Variants in AFF3 observed in about 807,000 individuals in gnomAD.
The protein encoded by AFF3 is ALF transcription elongation factor 3.
AFF3 carries 32 observed loss-of-function variants against 129.7 expected under a neutral mutation model. The observed-to-expected ratio is 0.25, with a 90% CI of 0.19 to 0.33. AFF3 has a LOEUF of 0.33. AFF3 is among the 10% of genes least tolerant of loss of function. The pLI, the probability that AFF3 is intolerant of heterozygous loss-of-function variation, is 1.00. For synonymous variants in AFF3, 644 were observed against 635.4 expected, an observed-to-expected ratio of 1.01 and a Z score of -0.20; for missense variants, 1,373 against 1,592.0, an observed-to-expected ratio of 0.86 and a Z score of 2.34.
chr2:99,809,551 T>G (rs1236118669), intron 8 of AFF3, among the ~76,000 whole-genome samples: 1 of 152,238 alleles, frequency 6.6e-6, no homozygotes, highest in Non-Finnish European at 1.5e-5. Flanking sequence ...AATTTAACAC[T>G]AAGCCTGTCT....
intron 10 of AFF3, among the ~76,000 whole-genome samples, chr2:99,742,811 T>C (rs1680827904): frequency 6.6e-6 from 1 of 152,264 alleles, no homozygotes; most frequent in Non-Finnish European, 1.5e-5. Context: ...TGAAATACTG[T>C]AAGTCAGGAC....
chr2:99,596,137 G>A (rs962480246), intron 14 of AFF3, among the ~76,000 whole-genome samples: 5 of 152,304 alleles, frequency 3.3e-5, no homozygotes, highest in South Asian at 2.1e-4. Flanking sequence ...CAACGGAACC[G>A]GGGCACCAGA....
At position 99,909,483 on chromosome 2, in the gene AFF3, A is replaced by G. The variant is rs959393808; in HGVS notation, c.874-71959T>C. Among the ~76,000 whole-genome samples the G allele has an allele frequency of 5.3e-5, 8 of 151,892 alleles. 1 individual carries two copies. The highest frequency in any genetic ancestry group is 1.7e-4 in the African/African-American group (7 of 41,386). On this transcript the variant is annotated intron_variant, in intron 7 of 24. Coordinates refer to ENST00000672756, the MANE Select transcript of AFF3 (RefSeq NM_001386135.1). ...ACTGGGGGGAGAGGAGAGGGATAGC[A>G]TTAGGAGATATACCTAATGCTAAAT...
At chr2:100,089,243 A>T in intron 4 of AFF3, among the ~76,000 whole-genome samples, 1 of 149,784 alleles carries the variant, frequency 6.7e-6, no homozygotes, top group Non-Finnish European at 1.5e-5. Flanking sequence ...TGCCATTTAA[A>T]TTTTTTCAAA....
At chr2:99,615,273 T>G (rs1681307197) in intron 13 of AFF3, among the ~76,000 whole-genome samples, 1 of 152,202 alleles carries the variant, frequency 6.6e-6, no homozygotes, top group Non-Finnish European at 1.5e-5. Flanking sequence ...TGTAAAAGGC[T>G]TCTCTGAAAG....
chr2:99,827,163 G>A (rs1013554301), intron 8 of AFF3, among the ~76,000 whole-genome samples: 1 of 152,176 alleles, frequency 6.6e-6, no homozygotes, highest in African/African-American at 2.4e-5. Context: ...GGTGACAGAA[G>A]TTCAGGAAAC....
chr2:99,892,519 A>G (rs952973686), intron 7 of AFF3, among the ~76,000 whole-genome samples: 1 of 152,152 alleles, frequency 6.6e-6, no homozygotes, highest in South Asian at 2.1e-4. Flanking sequence ...TTAATATGGG[A>G]TGTGAGTCTA....
chr2:100,118,368 G>A (rs1691809297), intron 2 of AFF3, among the ~76,000 whole-genome samples: 1 of 152,140 alleles, frequency 6.6e-6, no homozygotes, highest in African/African-American at 2.4e-5. Flanking sequence ...TCCTTGTTAT[G>A]CTCCTAGAAG....
intron 7 of AFF3, among the ~76,000 whole-genome samples, chr2:99,968,821 A>G (rs151146444): frequency 3.3e-5 from 5 of 152,286 alleles, no homozygotes; most frequent in African/African-American, 9.6e-5. Flanking sequence ...CTTTCCCTTT[A>G]TAAGTTTCAC....
At chr2:99,998,351 G>T (rs1260138123) in intron 7 of AFF3, among the ~76,000 whole-genome samples, 1 of 152,076 alleles carries the variant, frequency 6.6e-6, no homozygotes, top group Non-Finnish European at 1.5e-5. Context: ...CCCTTCTGCT[G>T]GGGGGTTTCA....
intron 7 of AFF3, among the ~76,000 whole-genome samples, chr2:99,952,548 C>T (rs1457678037): frequency 1.3e-5 from 2 of 152,140 alleles, no homozygotes; most frequent in Admixed American, 6.5e-5. Flanking sequence ...TCCCATGACT[C>T]GCTTTTCTTC....
chr2:99,786,529 T>C (rs1356474125), intron 8 of AFF3, among the ~76,000 whole-genome samples: 1 of 152,190 alleles, frequency 6.6e-6, no homozygotes, highest in African/African-American at 2.4e-5. Flanking sequence ...TGATCTTACA[T>C]GGTAATAATG....
At chr2:99,618,893 GATTCATTCATTCATTCATTC>G (rs112677518) in intron 13 of AFF3, among the ~76,000 whole-genome samples, 2 of 149,850 alleles carry the variant, frequency 1.3e-5, no homozygotes, top group South Asian at 2.1e-4. Flanking sequence ...AGCTCTGATC[GATTCATTCATTCATTCATTC>G]ATTCATTCAT....
chr2:99,813,525 G>A (rs548924256), intron 8 of AFF3, among the ~76,000 whole-genome samples: 5 of 152,140 alleles, frequency 3.3e-5, no homozygotes, highest in Non-Finnish European at 5.9e-5. Flanking sequence ...TGTGTACTAC[G>A]ATCCTCATGC....
chr2:100,052,732 G>T (rs573679205), intron 4 of AFF3, among the ~76,000 whole-genome samples: 76 of 152,232 alleles, frequency 5.0e-4, no homozygotes, highest in African/African-American at 1.8e-3. Flanking sequence ...TAATGTATCT[G>T]TATGTCCAGA....
chr2:99,824,747 C>T (rs1021618638), intron 8 of AFF3, among the ~76,000 whole-genome samples: 1 of 152,168 alleles, frequency 6.6e-6, no homozygotes, highest in Non-Finnish European at 1.5e-5. Flanking sequence ...TCATCAGAAA[C>T]TGAAGCTGCT....
At chr2:99,572,293 A>AT (rs1676549667) in intron 18 of AFF3, among the ~76,000 whole-genome samples, 1 of 43,194 alleles carries the variant, frequency 2.3e-5, no homozygotes, top group African/African-American at 9.8e-5. Context: ...CCCTCCCACC[A>AT]CCCCCCCCCC....
intron 13 of AFF3, among the ~76,000 whole-genome samples, chr2:99,635,730 G>A (rs150953376): frequency 6.6e-6 from 1 of 152,220 alleles, no homozygotes; most frequent in East Asian, 1.9e-4. Context: ...ACCCCCTACT[G>A]TGTTCATTAA....
intron 14 of AFF3, among the ~76,000 whole-genome samples, chr2:99,597,381 T>A (rs1040281980): frequency 6.6e-6 from 1 of 152,226 alleles, no homozygotes; most frequent in Non-Finnish European, 1.5e-5. Context: ...TCTTTTGATG[T>A]TCGTATTTGT....
Sources: gnomAD v4.1 joint callset for allele counts (sites outside exome capture counted in the v4.1 genomes callset) on GRCh38, gnomAD v4.1.1 for gene constraint, MANE v1.5 for transcripts, NCBI Gene and HGNC (gene_info 2026-07-23, HGNC 2026-07-21) for gene names.